Variants in EPB41L5 observed in about 807,000 individuals in gnomAD.
The protein encoded by EPB41L5 is band 4.1-like protein 5.
EPB41L5 carries 55 observed loss-of-function variants against 106.6 expected under a neutral mutation model. The ratio of observed to expected loss-of-function variants is 0.52; its 90% CI spans 0.42 to 0.65. The LOEUF is 0.65. Among genes scored for constraint, EPB41L5 ranks in the 30% least tolerant of loss-of-function variants. The probability of loss-of-function intolerance (pLI) is 0.00; values close to 1 mark genes in which losing one functional copy is unlikely to be tolerated. For missense variants in EPB41L5, 871 were observed against 882.1 expected (o/e 0.99, Z 0.16); for synonymous variants, 297 against 306.7 (o/e 0.97, Z 0.33).
chr2:120,031,752 A>G (rs1678724073), intron 2 of EPB41L5, among the ~76,000 whole-genome samples: 1 of 152,148 alleles, frequency 6.6e-6, no homozygotes, highest in Admixed American at 6.5e-5. Flanking sequence ...TTATGGGTAC[A>G]AGATAGTACA....
intron 14 of EPB41L5, among the ~76,000 whole-genome samples, chr2:120,095,662 TTTAA>T (rs964117921): frequency 1.3e-4 from 19 of 151,992 alleles, no homozygotes; most frequent in Non-Finnish European, 2.5e-4. Context: ...ATTAATTAAA[TTTAA>T]TTAATTAATT....
chr2:120,028,802 G>T (rs1678509677), intron 2 of EPB41L5, among the ~76,000 whole-genome samples: 1 of 152,066 alleles, frequency 6.6e-6, no homozygotes, highest in Non-Finnish European at 1.5e-5. Flanking sequence ...TGATGGGAGG[G>T]GCGCATATCA....
intron 2 of EPB41L5, among the ~76,000 whole-genome samples, chr2:120,041,699 T>C (rs1445397521): frequency 1.3e-5 from 2 of 152,170 alleles, no homozygotes; most frequent in African/African-American, 4.8e-5. Context: ...ACTCTAAAAA[T>C]TGATTACAAC....
intron 1 of EPB41L5, among the ~76,000 whole-genome samples, chr2:120,013,877 T>TA (rs1385399494): frequency 6.6e-6 from 1 of 152,224 alleles, no homozygotes; most frequent in Non-Finnish European, 1.5e-5. Context: ...TTTAAAGAAT[T>TA]ACGGGGAAAA....
At chr2:120,170,488 T>A (rs1687627865) in intron 24 of EPB41L5, among the ~76,000 whole-genome samples, 1 of 152,230 alleles carries the variant, frequency 6.6e-6, no homozygotes, top group Admixed American at 6.5e-5. Flanking sequence ...GGAACTCAGT[T>A]CCTAGCTGGT....
At chr2:120,103,191 G>A (rs776089777) in intron 16 of EPB41L5, among the ~76,000 whole-genome samples, 3 of 152,082 alleles carry the variant, frequency 2.0e-5, no homozygotes, top group Non-Finnish European at 4.4e-5. Context: ...ATTTGGGGTG[G>A]CATTTTCCTT....
intron 22 of EPB41L5, among the ~76,000 whole-genome samples, chr2:120,165,112 A>T (rs762331251): frequency 2.0e-5 from 3 of 152,218 alleles, no homozygotes; most frequent in Non-Finnish European, 4.4e-5. Context: ...TACAAATCAC[A>T]TGTCTCTATA....
At chr2:120,134,958 G>T (rs1255130064) in intron 18 of EPB41L5, among the ~76,000 whole-genome samples, 1 of 151,880 alleles carries the variant, frequency 6.6e-6, no homozygotes, top group Admixed American at 6.6e-5. Context: ...ACTAAATAAG[G>T]CATCAGTGAC....
At chr2:120,035,379 A>C (rs1678982625) in intron 2 of EPB41L5, among the ~76,000 whole-genome samples, 1 of 152,200 alleles carries the variant, frequency 6.6e-6, no homozygotes, top group Admixed American at 6.5e-5. Context: ...GATTGTAGGC[A>C]TGAGCCACCA....
intron 14 of EPB41L5, among the ~76,000 whole-genome samples, chr2:120,099,872 T>TAGGA (rs1416338510): frequency 6.6e-6 from 1 of 152,152 alleles, no homozygotes; most frequent in Admixed American, 6.5e-5. Flanking sequence ...ATCTTGAGGG[T>TAGGA]AGGAATATAC....
At chr2:120,149,892 CTT>C (rs34014223) in intron 20 of EPB41L5, among the ~76,000 whole-genome samples, 169 of 110,886 alleles carry the variant, frequency 1.5e-3, no homozygotes, top group Middle Eastern at 5.0e-3. Flanking sequence ...TTTCACTGTA[CTT>C]TTTTTTTTTT....
chr2:120,050,293 A>C (rs1439324812), intron 3 of EPB41L5, among the ~76,000 whole-genome samples: 1 of 152,168 alleles, frequency 6.6e-6, no homozygotes, highest in Non-Finnish European at 1.5e-5. Context: ...CTTCACTTTC[A>C]GGTACACCAA....
At chr2:120,042,774 A>G (rs1366091567) in intron 3 of EPB41L5, among the ~76,000 whole-genome samples, 1 of 152,088 alleles carries the variant, frequency 6.6e-6, no homozygotes, top group Non-Finnish European at 1.5e-5. Context: ...TTTACTCTCA[A>G]ATAATTGGGA....
At chr2:120,059,318 C>T (rs1462215862) in intron 3 of EPB41L5, among the ~76,000 whole-genome samples, 2 of 152,080 alleles carry the variant, frequency 1.3e-5, no homozygotes, top group Non-Finnish European at 2.9e-5. Flanking sequence ...TATACCTATA[C>T]AAAAATTAAC....
At chr2:120,033,886 G>A (rs1678879420) in intron 2 of EPB41L5, among the ~76,000 whole-genome samples, 1 of 151,878 alleles carries the variant, frequency 6.6e-6, no homozygotes, top group African/African-American at 2.4e-5. Flanking sequence ...TTGAGCCCAG[G>A]AGTTTGAGAC....
intron 18 of EPB41L5, among the ~76,000 whole-genome samples, chr2:120,135,217 A>C (rs1487237352): frequency 6.6e-6 from 1 of 152,096 alleles, no homozygotes; most frequent in Non-Finnish European, 1.5e-5. Context: ...CAGAAGAAAG[A>C]ATTAGTGAGC....
intron 11 of EPB41L5, among the ~76,000 whole-genome samples, chr2:120,089,727 T>C (rs1484662036): frequency 6.6e-6 from 1 of 152,110 alleles, no homozygotes; most frequent in African/African-American, 2.4e-5. Flanking sequence ...GAAATAATTT[T>C]CCCCAGAGAG....
chr2:120,069,318 A>C (rs909275737), intron 3 of EPB41L5, among the ~76,000 whole-genome samples: 2 of 152,044 alleles, frequency 1.3e-5, no homozygotes, highest in African/African-American at 2.4e-5. Flanking sequence ...CAGATTCATA[A>C]AGCAAGTTCT....
intron 3 of EPB41L5, among the ~76,000 whole-genome samples, chr2:120,062,983 G>A (rs1489365324): frequency 6.6e-6 from 1 of 152,072 alleles, no homozygotes; most frequent in Non-Finnish European, 1.5e-5. Flanking sequence ...AAAATAGAGG[G>A]TATTTTGAAG....
Sources: allele counts gnomAD v4.1 joint callset (sites outside exome capture counted in the v4.1 genomes callset), GRCh38; gene constraint gnomAD v4.1.1; transcripts MANE v1.5; gene names NCBI Gene and HGNC (gene_info 2026-07-23, HGNC 2026-07-21).